The following MUC7 variants were observed in gnomAD, a reference collection of about 807,000 sequenced individuals.
MUC7 encodes the protein mucin 7, secreted, also known as mucin-7.
Under a neutral mutation model 2.5 loss-of-function variants are expected in MUC7, and 2 were observed. That is an observed-to-expected ratio of 0.81 (90% CI 0.33 to 2.55). MUC7 has a LOEUF of 2.55. MUC7 is among the 30% of genes most tolerant of loss of function. The pLI is 0.11. For missense variants in MUC7, 408 were observed against 455.6 expected (o/e 0.90, Z 0.95); for synonymous variants, 133 against 173.4 (o/e 0.77, Z 1.83).
intron 2 of MUC7, among the ~76,000 whole-genome samples, chr4:70,477,138 C>T (rs1735027827): frequency 6.6e-6 from 1 of 152,074 alleles, no homozygotes; most frequent in African/African-American, 2.4e-5. Context: ...GGCCGGGTGC[C>T]GTGGCTCACA....
At chr4:70,458,518 A>G (rs1734466204) in intron 1 of MUC7, among the ~76,000 whole-genome samples, 1 of 152,166 alleles carries the variant, frequency 6.6e-6, no homozygotes, top group East Asian at 1.9e-4. Context: ...TAACATTAGA[A>G]TTAATGGCAA....
intron 1 of MUC7, among the ~76,000 whole-genome samples, chr4:70,459,021 C>A (rs907050188): frequency 1.8e-4 from 28 of 152,020 alleles, no homozygotes; most frequent in Non-Finnish European, 3.5e-4. Flanking sequence ...ACTTTATAAA[C>A]CTTGAAATAT....
At chr4:70,445,126 T>C (rs1577900950) in intron 1 of MUC7, among the ~76,000 whole-genome samples, 1 of 152,312 alleles carries the variant, frequency 6.6e-6, no homozygotes, top group South Asian at 2.1e-4. Flanking sequence ...TCAACTGCTC[T>C]GTTTACCATA....
At chr4:70,470,017 A>G (rs1035722454), upstream of MUC7, among the ~76,000 whole-genome samples, 6 of 152,248 alleles carry the variant, frequency 3.9e-5, no homozygotes, top group South Asian at 4.1e-4. Flanking sequence ...CCAAATGCCC[A>G]TCAATGATAG....
intron 1 of MUC7, among the ~76,000 whole-genome samples, chr4:70,448,382 G>A (rs1478511899): frequency 6.6e-6 from 1 of 152,134 alleles, no homozygotes; most frequent in East Asian, 1.9e-4. Flanking sequence ...CACAGTGTTT[G>A]TACTAATTTA....
At chr4:70,475,811 G>A (rs889727274) in intron 2 of MUC7, among the ~76,000 whole-genome samples, 10 of 152,110 alleles carry the variant, frequency 6.6e-5, no homozygotes, top group Admixed American at 1.3e-4. Context: ...AGAATATTAC[G>A]CCAGTAGAGT....
intron 1 of MUC7, among the ~76,000 whole-genome samples, chr4:70,463,939 T>C (rs190289938): frequency 6.6e-6 from 1 of 152,292 alleles, no homozygotes; most frequent in African/African-American, 2.4e-5. Flanking sequence ...TTAAAAATAA[T>C]GGAATGAGAT....
chr4:70,464,629 C>T (rs780618872), intron 1 of MUC7, among the ~76,000 whole-genome samples: 36 of 152,088 alleles, frequency 2.4e-4, no homozygotes, highest in Admixed American at 6.6e-5. Flanking sequence ...AAAAAGCCAC[C>T]AAGAGTTTGA....
intron 1 of MUC7, among the ~76,000 whole-genome samples, chr4:70,456,313 G>A (rs888660994): frequency 6.6e-6 from 1 of 152,150 alleles, no homozygotes; most frequent in Non-Finnish European, 1.5e-5. Context: ...ATGAGGAATT[G>A]AACTGATAAT....
At chr4:70,471,206 TTTAAG>T (rs1341229924), upstream of MUC7, among the ~76,000 whole-genome samples, 1 of 152,194 alleles carries the variant, frequency 6.6e-6, no homozygotes, top group Non-Finnish European at 1.5e-5. Flanking sequence ...TAAGTTCTTT[TTTAAG>T]TTATTAAGTT....
Position 70,481,454 on chromosome 4 carries a change from C to A in MUC7, c.710C>A (p.Ala237Asp). Residue 237 changes from alanine (A) to aspartate (D), a missense_variant, in exon 3 of 3, where the codon GCC becomes GAC. Physicochemically the swap from Ala to Asp is moderately radical, Grantham distance 126. Coordinates refer to ENST00000304887, the MANE Select transcript of MUC7 (RefSeq NM_152291.3). ...TCAGCTCCACCAGAGACCACAGCTG[C>A]CCCACCCACACCTTCTGCAACTACA... is the stretch of plus-strand genomic sequence containing the variant. ...SSSAPPETTAAPPTPSATTPA... is the reference protein window; with the variant it reads ...SSSAPPETTADPPTPSATTPA... 1 of 1,475,820 alleles carries A rather than the reference C, an allele frequency of 6.8e-7. No homozygotes were observed. The highest frequency in any genetic ancestry group is 2.0e-5 in the Admixed American group (1 of 50,976). The allele number at this position is 1,475,820 out of a possible 1,614,324, so 91.4% of individuals were successfully genotyped here.
intron 1 of MUC7, among the ~76,000 whole-genome samples, chr4:70,442,968 C>T (rs1216313608): frequency 6.6e-6 from 1 of 152,078 alleles, no homozygotes; most frequent in Non-Finnish European, 1.5e-5. Context: ...TCTATTGCTT[C>T]CAGGAGATCC....
chr4:70,473,431 G>A (rs1450638091), intron 1 of MUC7, among the ~76,000 whole-genome samples: 4 of 147,172 alleles, frequency 2.7e-5, no homozygotes, highest in Admixed American at 6.7e-5. Flanking sequence ...ACAACAGAGC[G>A]AGACTCTGTC....
chr4:70,451,787 T>C (rs976754878), intron 1 of MUC7, among the ~76,000 whole-genome samples: 2 of 152,344 alleles, frequency 1.3e-5, no homozygotes, highest in African/African-American at 2.4e-5. Flanking sequence ...ATTTGTTCTA[T>C]AGTGCAGATT....
rs765634360 is a variant in MUC7, at chr4:70,481,453, G to A, written c.709G>A (p.Ala237Thr). Residue 237 changes from alanine to threonine, a missense_variant, in exon 3 of 3, where the codon GCC becomes ACC. Physicochemically the swap from Ala to Thr is moderately conservative, Grantham distance 58. Around this residue, in one of 3 missense-constraint regions of MUC7, gnomAD observed 175 missense variants for 187.1 expected, o/e 0.94. Coordinates refer to ENST00000304887, the MANE Select transcript of MUC7 (RefSeq NM_152291.3). ...SSSAPPETTA[A>T]PPTPSATTPA... ...CTCAGCTCCACCAGAGACCACAGCT[G>A]CCCCACCCACACCTTCTGCAACTAC... The A allele has an allele frequency of 6.6e-7, 1 of 1,506,594 alleles. No homozygotes were observed. Among genetic ancestry groups the A allele is most frequent in the South Asian group, 1.2e-5 (1 of 81,492 alleles). The allele number at this position is 1,506,594 out of a possible 1,614,324, so 93.3% of individuals were successfully genotyped here. A position where few individuals can be genotyped will look rare whatever the true frequency, so the allele number is the denominator to read the frequency against.
At chr4:70,454,045 C>T (rs1577904885) in intron 1 of MUC7, among the ~76,000 whole-genome samples, 1 of 151,834 alleles carries the variant, frequency 6.6e-6, no homozygotes, top group Admixed American at 6.6e-5. Flanking sequence ...TTTACTCTTC[C>T]CCTCTCCTCT....
At chr4:70,456,243 T>C (rs1171513503) in intron 1 of MUC7, among the ~76,000 whole-genome samples, 2 of 152,144 alleles carry the variant, frequency 1.3e-5, no homozygotes, top group South Asian at 2.1e-4. Flanking sequence ...TCTGAAAACA[T>C]TTACTCAAAA....
At chr4:70,443,159 A>T (rs1431158079) in intron 1 of MUC7, among the ~76,000 whole-genome samples, 2 of 152,160 alleles carry the variant, frequency 1.3e-5, no homozygotes, top group Non-Finnish European at 2.9e-5. Flanking sequence ...CCTAAATTAG[A>T]TCAATTCAAA....
At chr4:70,460,250 T>G (rs1202206946) in intron 1 of MUC7, among the ~76,000 whole-genome samples, 2 of 152,032 alleles carry the variant, frequency 1.3e-5, no homozygotes, top group African/African-American at 2.4e-5. Context: ...GAAGATTAAA[T>G]TGTGAGGTAC....
Sources: allele counts gnomAD v4.1 joint callset (sites outside exome capture counted in the v4.1 genomes callset), GRCh38; gene constraint gnomAD v4.1.1; regional missense constraint gnomAD v4.1.1; transcripts MANE v1.5; gene names NCBI Gene and HGNC (gene_info 2026-07-23, HGNC 2026-07-21).